DMD: variants seen among roughly 807,000 people sequenced by gnomAD.
The protein encoded by DMD is mutant dystrophin.
In DMD, 63 loss-of-function variants were observed where a neutral mutation model predicts 330.1. The ratio of observed to expected loss-of-function variants is 0.19; its 90% CI spans 0.16 to 0.24. The LOEUF is 0.24. Among genes scored for constraint, DMD ranks in the 10% least tolerant of loss-of-function variants. The pLI is 1.00. For missense variants in DMD, 3,344 were observed against 2,684.1 expected, an observed-to-expected ratio of 1.25 and a Z score of -5.43; for synonymous variants, 1,223 against 959.8, an observed-to-expected ratio of 1.27 and a Z score of -5.07.
chrX:31,998,945 T>C (rs1441201498), intron 44 of DMD, among the ~76,000 whole-genome samples: 1 of 111,797 alleles, frequency 8.9e-6, no homozygotes, highest in East Asian at 2.8e-4. Context: ...CTCAAAGACA[T>C]CCATCCATAC....
chrX:33,170,961 T>A (rs2049311448), intron 1 of DMD, among the ~76,000 whole-genome samples: 1 of 111,971 alleles, frequency 8.9e-6, no homozygotes, highest in Admixed American at 9.5e-5. Flanking sequence ...TTTGAAACTT[T>A]GTCAAAAATA....
At chrX:33,330,831 A>C (rs1302587180) in intron 1 of DMD, among the ~76,000 whole-genome samples, 2 of 111,188 alleles carry the variant, frequency 1.8e-5, no homozygotes, top group African/African-American at 3.3e-5. Context: ...CTTTCTGTTC[A>C]GTTATCATTT....
intron 60 of DMD, among the ~76,000 whole-genome samples, chrX:31,360,708 G>A (rs955490200): frequency 1.8e-5 from 2 of 111,615 alleles, no homozygotes; most frequent in Non-Finnish European, 1.9e-5. Context: ...AGCATAGTTT[G>A]ATGTAATAGC....
intron 59 of DMD, 60 bp downstream of exon 59, chrX:31,478,046 T>A: frequency 8.6e-7 from 1 of 1,168,914 alleles, no homozygotes; most frequent in Non-Finnish European, 1.2e-6. Flanking sequence ...GCACTCAAGT[T>A]CAGATTAGAA....
At chrX:32,412,654 C>A (rs1440156582) in intron 29 of DMD, among the ~76,000 whole-genome samples, 2 of 111,422 alleles carry the variant, frequency 1.8e-5, no homozygotes, top group Non-Finnish European at 3.8e-5. Flanking sequence ...AGTCTCCCTT[C>A]AAGGATCTGT....
chrX:31,663,592 CCTT>C (rs1300888277), intron 53 of DMD, among the ~76,000 whole-genome samples: 1 of 111,438 alleles, frequency 9.0e-6, no homozygotes, highest in Admixed American at 9.6e-5. Flanking sequence ...CATCTTGCAT[CCTT>C]CTCTCTAGTC....
chrX:33,336,859 T>A (rs1426209775), intron 1 of DMD, among the ~76,000 whole-genome samples: 1 of 111,247 alleles, frequency 9.0e-6, no homozygotes, highest in Non-Finnish European at 1.9e-5. Flanking sequence ...CTGACCCTGT[T>A]TTAGAGCAAG....
At chrX:32,406,877 C>T (rs773493591) in intron 30 of DMD, among the ~76,000 whole-genome samples, 37 of 110,900 alleles carry the variant, frequency 3.3e-4, no homozygotes, top group Non-Finnish European at 5.5e-4. Context: ...AATGGGGAAA[C>T]GATTCCCTAT....
rs2049541388 is a variant in DMD at position 32,551,400 on chromosome X, C to A, written c.1993-6066G>T. 1.1e-4 allele frequency among the ~76,000 whole-genome samples: 12 copies of A among 111,460 alleles called. No individual in the cohort carries two copies. In the Admixed American group the frequency reaches 1.2e-3, roughly 11 times the overall value. ...AAAATCAAAAACCACATGATCATTT[C>A]AGTAGATATAGAAAAGGCATCCTAT... On this transcript the variant is annotated intron_variant, in intron 16 of 78. Coordinates refer to ENST00000357033, the MANE Select transcript of DMD (RefSeq NM_004006.3).
intron 40 of DMD, chrX:32,342,914 C>A: frequency 2.2e-6 from 1 of 458,517 alleles, no homozygotes; most frequent in Non-Finnish European, 3.9e-6. Flanking sequence ...TTTCTTAAAT[C>A]ACTTTACATA....
Position 31,284,825 on chromosome X carries a change from A to AACACAC in DMD, c.9225-23815_9225-23810dup, listed in dbSNP as rs61401043. Among the ~76,000 whole-genome samples the AACACAC allele has an allele frequency of 6.9e-3, 632 of 91,488 alleles. 6 individuals are homozygous for AACACAC. The highest frequency in any genetic ancestry group is 7.6e-3 in the African/African-American group (187 of 24,640). The allele number at this position is 91,488 out of a possible 115,157, so 79.4% of individuals were successfully genotyped here. A position where few individuals can be genotyped will look rare whatever the true frequency, so the allele number is the denominator to read the frequency against. The stretch of plus-strand genomic sequence containing the variant: ...CCTTAAAGATAAATCTAATGGCTTA[A>AACACAC]ACACACACACACACACACACACACA... On this transcript the variant is annotated intron_variant, in intron 62 of 78. Transcript: ENST00000357033.
intron 44 of DMD, among the ~76,000 whole-genome samples, chrX:32,157,371 T>A (rs1436681799): frequency 1.8e-5 from 2 of 112,602 alleles, no homozygotes; most frequent in African/African-American, 3.2e-5. Flanking sequence ...AATGATCAGA[T>A]AAATGATAAA....
intron 7 of DMD, among the ~76,000 whole-genome samples, chrX:32,731,624 A>G (rs1317756213): frequency 8.9e-6 from 1 of 112,088 alleles, no homozygotes; most frequent in Admixed American, 9.4e-5. Context: ...GAGCACCCTA[A>G]CTGGGAGGCA....
rs2072006519 is a variant in DMD, at chrX:32,759,849, GGGGGGGGGGGC to G, written c.649+49633_649+49643del. 3.6e-3 allele frequency among the ~76,000 whole-genome samples: 209 copies of G among 58,767 alleles called. 4 individuals carry two copies. The highest frequency in any genetic ancestry group is 0.016 in the African/African-American group (202 of 12,630). 51.0% of individuals were successfully genotyped at this position (58,767 alleles called of 115,157 possible). A position where few individuals can be genotyped will look rare whatever the true frequency, so the allele number is the denominator to read the frequency against. ...GGCAGATGCAGGTTTTTCTTGGGGG[GGGGGGGGGGGC>G]GGGGGAAGACCCAGGCAGGCCCATG... On this transcript the variant is annotated intron_variant, in intron 7 of 78. Transcript: ENST00000357033.
At chrX:31,416,278 C>T (rs193168698) in intron 60 of DMD, among the ~76,000 whole-genome samples, 2 of 112,088 alleles carry the variant, frequency 1.8e-5, no homozygotes, top group East Asian at 2.8e-4. Flanking sequence ...TAATAGATAT[C>T]GCAAATGTGT....
intron 7 of DMD, among the ~76,000 whole-genome samples, chrX:32,765,711 G>A (rs1486725113): frequency 1.8e-5 from 2 of 111,343 alleles, no homozygotes; most frequent in Admixed American, 1.9e-4. Flanking sequence ...TAATGTTGAT[G>A]CATTTCAATT....
At chrX:33,135,823 A>AACAT (rs1040054963) in intron 1 of DMD, among the ~76,000 whole-genome samples, 2 of 112,342 alleles carry the variant, frequency 1.8e-5, no homozygotes, top group African/African-American at 6.5e-5. Flanking sequence ...GATAATATTT[A>AACAT]ACATATAAGG....
At position 32,362,954 on chromosome X, in the gene DMD, A is replaced by G. The variant is rs772640289; in HGVS notation, c.5159T>C (p.Leu1720Ser). 5.8e-6 allele frequency: 7 copies of G among 1,208,285 alleles called. No individual in the cohort carries two copies. The highest frequency in any genetic ancestry group is 7.8e-6 in the Non-Finnish European group (7 of 893,321). Reference protein sequence around the residue: ...PQQKEDVLKRLKAELNDIRPK... With the variant: ...PQQKEDVLKRSKAELNDIRPK... ...GCGTATGTCATTCAGTTCTGCCTTTAAACGCTATATTCCATGAGCAAGAGA... is the reference window on the plus strand; with the variant it reads ...GCGTATGTCATTCAGTTCTGCCTTTGAACGCTATATTCCATGAGCAAGAGA... Residue 1720 changes from leucine (L) to serine (S), a missense_variant, in exon 37 of 79, where the codon TTA becomes TCA. By Grantham distance (145) the Leu-to-Ser change is moderately radical. Transcript: ENST00000357033.
intron 18 of DMD, among the ~76,000 whole-genome samples, chrX:32,511,250 G>A (rs1309291508): frequency 1.8e-5 from 2 of 110,407 alleles, no homozygotes; most frequent in African/African-American, 6.6e-5. Flanking sequence ...TTGGCCGGGC[G>A]CAGGGGCTCA....
Sources: allele counts gnomAD v4.1 joint callset (sites outside exome capture counted in the v4.1 genomes callset), GRCh38; gene constraint gnomAD v4.1.1; transcripts MANE v1.5; gene names NCBI Gene and HGNC (gene_info 2026-07-23, HGNC 2026-07-21).